Variants in ASRGL1 observed in about 807,000 individuals in gnomAD.
ASRGL1 encodes isoaspartyl peptidase/L-asparaginase.
A neutral mutation model predicts 22.4 loss-of-function variants in ASRGL1; 16 were observed. The observed-to-expected ratio is 0.71, with a 90% CI of 0.48 to 1.08. The LOEUF is 1.08. Ranked by LOEUF, ASRGL1 falls within the 50% of genes least tolerant of loss-of-function variation. The probability of loss-of-function intolerance (pLI) is 0.00; values close to 1 mark genes in which losing one functional copy is unlikely to be tolerated. For synonymous variants in ASRGL1, 165 were observed against 159.3 expected (o/e 1.04, Z -0.27); for missense variants, 412 against 410.1 (o/e 1.00, Z -0.04).
intron 4 of ASRGL1, among the ~76,000 whole-genome samples, chr11:62,379,786 G>A (rs1947018766): frequency 6.6e-6 from 1 of 152,142 alleles, no homozygotes; most frequent in Non-Finnish European, 1.5e-5. Flanking sequence ...GACAGTGGGG[G>A]TTGTTGTCCC....
intron 4 of ASRGL1, among the ~76,000 whole-genome samples, chr11:62,366,416 A>G (rs1179438165): frequency 1.4e-5 from 2 of 144,698 alleles, no homozygotes; most frequent in Admixed American, 1.4e-4. Flanking sequence ...TTGTATTTGT[A>G]TTGTTGCCAT....
At position 62,366,319 on chromosome 11, in the gene ASRGL1, G is replaced by A. The variant is rs1361100261; in HGVS notation, c.491+9175G>A. Among the ~76,000 whole-genome samples, 8 of 145,362 alleles carry A rather than the reference G, an allele frequency of 5.5e-5. No homozygotes were observed. The South Asian group carries it at 8.8e-4, about 16-fold the overall frequency. On this transcript the variant is annotated intron_variant, in intron 4 of 6. Coordinates refer to ENST00000415229, the MANE Select transcript of ASRGL1 (RefSeq NM_001083926.2). ...GAAACATATATACAAGAAAAATACC[G>A]ATTTTTCAAGATACATTTACCACAG...
At chr11:62,382,091 A>T (rs1048280801) in intron 4 of ASRGL1, 3 of 152,282 alleles carry the variant, frequency 2.0e-5, no homozygotes, top group Admixed American at 2.0e-4. Flanking sequence ...GATCGAGACC[A>T]TCCTGGCTAA....
intron 2 of ASRGL1, among the ~76,000 whole-genome samples, chr11:62,343,377 CAAAA>C (rs35798082): frequency 4.6e-5 from 4 of 86,348 alleles, no homozygotes; most frequent in South Asian, 4.4e-4. Context: ...GACCCTGTCT[CAAAA>C]AAAAAAAAAA....
chr11:62,386,784 C>G (rs1295286447), intron 4 of ASRGL1, among the ~76,000 whole-genome samples: 3 of 152,148 alleles, frequency 2.0e-5, no homozygotes, highest in Non-Finnish European at 4.4e-5. Context: ...ACAATTGACA[C>G]TAACAGCAGT....
At position 62,356,393 on chromosome 11, in the gene ASRGL1, C is replaced by G; in HGVS notation, c.259C>G (p.Leu87Val). The change falls in exon 3 of 7, where the codon CTG (leucine) becomes GTG (valine). Residue 87 changes from leucine to valine, a missense_variant. By Grantham distance (32) the Leu-to-Val change is conservative. Transcript: ENST00000415229. ...TGCTAGTATCATGGATGGAAAAGAC[C>G]TGTCTGCAGGAGCAGTGTCCGCAGT... is the stretch of plus-strand genomic sequence containing the variant. ...MDASIMDGKD[L>V]SAGAVSAVQC... 1 of 1,614,184 alleles carries G rather than the reference C, an allele frequency of 6.2e-7. No homozygotes were observed. Among genetic ancestry groups the G allele is most frequent in the South Asian group, 1.1e-5 (1 of 91,084 alleles).
At chr11:62,348,740 G>A (rs1188735366) in intron 2 of ASRGL1, among the ~76,000 whole-genome samples, 2 of 151,746 alleles carry the variant, frequency 1.3e-5, no homozygotes, top group Non-Finnish European at 2.9e-5. Context: ...GGTTAAAACT[G>A]TCCTCCTGTG....
chr11:62,380,031 C>A (rs1008111164), intron 4 of ASRGL1, among the ~76,000 whole-genome samples: 1 of 151,966 alleles, frequency 6.6e-6, no homozygotes, highest in African/African-American at 2.4e-5. Flanking sequence ...TGAGGCTGGG[C>A]AATTCTTTTT....
At chr11:62,366,785 A>G (rs1162616575) in intron 4 of ASRGL1, among the ~76,000 whole-genome samples, 2 of 152,186 alleles carry the variant, frequency 1.3e-5, no homozygotes, top group Non-Finnish European at 2.9e-5. Context: ...AGCAGGAACT[A>G]CAGGTACAAG....
chr11:62,388,608 T>G (rs200348970), intron 4 of ASRGL1, among the ~76,000 whole-genome samples: 1 of 145,506 alleles, frequency 6.9e-6, no homozygotes, highest in East Asian at 2.0e-4. Context: ...AGGCAGAGGT[T>G]GCCGTGAGCC....
At chr11:62,373,661 G>A (rs1287561707) in intron 4 of ASRGL1, among the ~76,000 whole-genome samples, 1 of 152,210 alleles carries the variant, frequency 6.6e-6, no homozygotes, top group Admixed American at 6.5e-5. Flanking sequence ...CGCGTGCTTC[G>A]GAAGCATCCG....
chr11:62,389,346 C>A (rs776771983), intron 5 of ASRGL1, 95 bp downstream of exon 5: 1 of 1,192,412 alleles, frequency 8.4e-7, no homozygotes, highest in Non-Finnish European at 1.2e-6. Context: ...TTTCTTGCTG[C>A]GTTCCCTTTC....
intron 6 of ASRGL1, 150 bp downstream of exon 6, chr11:62,391,782 C>T (rs954260478): frequency 1.3e-5 from 13 of 1,026,626 alleles, no homozygotes; most frequent in Admixed American, 8.3e-5. Context: ...TTTGACTCTC[C>T]GCCTTCCCTT....
chr11:62,372,633 C>T (rs1946804471), intron 4 of ASRGL1: 1 of 908,468 alleles, frequency 1.1e-6, no homozygotes, highest in African/African-American at 1.6e-5. Context: ...TAACCACATG[C>T]TGGTCCTGGA....
At chr11:62,372,147 A>C in intron 4 of ASRGL1, 1 of 870,728 alleles carries the variant, frequency 1.1e-6, no homozygotes. Context: ...CGAAATGAGA[A>C]GGCGCAGCTG....
In ASRGL1 at chr11:62,392,254, T is replaced by A; in HGVS notation, c.897T>A (p.Pro299=). The stretch of plus-strand genomic sequence containing the variant: ...GCAAGCTGCACTTCGGAATTGATCC[T>A]GACGATACTACTATCACCGACCTTC... The part of the protein sequence containing the change: ...KDGKLHFGID[P]DDTTITDLP Residue 299 remains proline, a synonymous_variant, in exon 7 of 7, where the codon CCT becomes CCA. Transcript: ENST00000415229. The A allele has an allele frequency of 1.2e-6, 2 of 1,614,070 alleles. No individual in the cohort carries two copies. Among genetic ancestry groups the A allele is most frequent in the Non-Finnish European group, 1.7e-6 (2 of 1,180,042 alleles).
chr11:62,364,145 T>A (rs12274086), intron 4 of ASRGL1, among the ~76,000 whole-genome samples: 2 of 116,080 alleles, frequency 1.7e-5, no homozygotes, highest in African/African-American at 3.3e-5. Context: ...GGTGACAGGG[T>A]AAGAGTCCGT....
chr11:62,369,127 G>A (rs1946694511), intron 4 of ASRGL1, among the ~76,000 whole-genome samples: 1 of 152,128 alleles, frequency 6.6e-6, no homozygotes, highest in Non-Finnish European at 1.5e-5. Context: ...GACAATATCT[G>A]GCTTTGCTAG....
chr11:62,386,525 G>C (rs1283948345), intron 4 of ASRGL1, among the ~76,000 whole-genome samples: 1 of 138,596 alleles, frequency 7.2e-6, no homozygotes, highest in Non-Finnish European at 1.7e-5. Context: ...GAAAGATAGT[G>C]TTTATAGAGG....
Sources: allele counts gnomAD v4.1 joint callset (sites outside exome capture counted in the v4.1 genomes callset), GRCh38; gene constraint gnomAD v4.1.1; transcripts MANE v1.5; gene names NCBI Gene and HGNC (gene_info 2026-07-23, HGNC 2026-07-21).